Variants in PDE1C observed in about 807,000 individuals in gnomAD.
PDE1C encodes dual specificity calcium/calmodulin-dependent 3',5'-cyclic nucleotide phosphodiesterase 1C.
Under a neutral mutation model 93.1 loss-of-function variants are expected in PDE1C, and 62 were observed. The ratio of observed to expected loss-of-function variants is 0.67; its 90% confidence interval spans 0.54 to 0.82. PDE1C has a LOEUF of 0.82. Among genes scored for constraint, PDE1C ranks in the 40% least tolerant of loss-of-function variants. The pLI is 0.00. For synonymous variants in PDE1C, 325 were observed against 310.1 expected (o/e 1.05, Z -0.50); for missense variants, 742 against 884.6 (o/e 0.84, Z 2.04).
At chr7:32,388,846 T>G (rs1384231302) in intron 1 of PDE1C, among the ~76,000 whole-genome samples, 2 of 152,118 alleles carry the variant, frequency 1.3e-5, no homozygotes, top group African/African-American at 2.4e-5. Flanking sequence ...GGAAACCGTC[T>G]AGAGAATTCT....
intron 16 of PDE1C, chr7:31,789,180 A>C (rs1382361584): frequency 2.0e-5 from 3 of 152,112 alleles, no homozygotes; most frequent in Non-Finnish European, 2.9e-5. Context: ...TAGACTCATA[A>C]AATCCCACTT....
intron 1 of PDE1C, among the ~76,000 whole-genome samples, chr7:32,220,721 G>C (rs11771478): frequency 0.077 from 11,680 of 152,270 alleles, 598 homozygotes; most frequent in Non-Finnish European, 0.1. Context: ...GGGAGGCTGA[G>C]GCAGGAGAAT....
the PDE1C span, chr7:31,643,501 C>T: frequency 1.9e-6 from 3 of 1,613,972 alleles, no homozygotes; most frequent in South Asian, 1.1e-5. Flanking sequence ...TGTAATGACC[C>T]AGATGTCCTC....
intron 2 of PDE1C, among the ~76,000 whole-genome samples, chr7:31,905,207 G>A (rs1464122561): frequency 1.3e-5 from 2 of 152,042 alleles, no homozygotes; most frequent in African/African-American, 4.8e-5. Context: ...TATTCCACTT[G>A]GTTTCAAACA....
chr7:32,154,568 A>T (rs1801455030), intron 3 of PDE1C, among the ~76,000 whole-genome samples: 1 of 152,200 alleles, frequency 6.6e-6, no homozygotes, highest in South Asian at 2.1e-4. Context: ...ACATTTTCTC[A>T]TTCCATCCTC....
At chr7:31,669,168 A>G in the PDE1C span, among the ~76,000 whole-genome samples, 1 of 152,212 alleles carries the variant, frequency 6.6e-6, no homozygotes, top group African/African-American at 2.4e-5. Context: ...TGGGGGCATG[A>G]AAGGATGCAG....
Position 31,848,111 on chromosome 7 carries a change from A to C in PDE1C, c.852-15T>G, listed in dbSNP as rs770865024. 1.3e-5 allele frequency: 21 copies of C among 1,610,698 alleles called. No homozygotes were observed. Among genetic ancestry groups the C allele is most frequent in the Non-Finnish European group, 1.4e-5 (17 of 1,178,272 alleles). Reference sequence around the variant, plus strand: ...CTGGATCAGACCTGAACAGAAAGCCAAGCAAAATTCAGAATGTTAAACAGT... The same window carrying C: ...CTGGATCAGACCTGAACAGAAAGCCCAGCAAAATTCAGAATGTTAAACAGT... On this transcript the variant is annotated splice_polypyrimidine_tract_variant and intron_variant, in intron 8 of 17. Coordinates refer to ENST00000396191, the MANE Select transcript of PDE1C (RefSeq NM_001191057.4).
intron 1 of PDE1C, among the ~76,000 whole-genome samples, chr7:32,056,305 G>A (rs1033139951): frequency 7.2e-6 from 1 of 139,072 alleles, no homozygotes; most frequent in Admixed American, 7.4e-5. Context: ...TCTGTTCCCT[G>A]GAATGGGTCC....
intron 2 of PDE1C, among the ~76,000 whole-genome samples, chr7:32,019,713 A>C (rs30558): frequency 0.68 from 103,341 of 151,698 alleles, 35,693 homozygotes; most frequent in Middle Eastern, 0.78. Flanking sequence ...TTGAACGGAC[A>C]CAACTTTGTG....
the PDE1C span, among the ~76,000 whole-genome samples, chr7:31,727,773 G>A: frequency 2.6e-5 from 4 of 152,188 alleles, no homozygotes; most frequent in Non-Finnish European, 5.9e-5. Context: ...TGGGCACGGT[G>A]GCTCATGCCT....
At chr7:32,122,991 C>T (rs1419872063) in intron 3 of PDE1C, among the ~76,000 whole-genome samples, 1 of 151,846 alleles carries the variant, frequency 6.6e-6, no homozygotes, top group Non-Finnish European at 1.5e-5. Context: ...AGAAAAGAGA[C>T]AAGAATAAAA....
At chr7:31,943,026 C>T (rs1806063624) in intron 2 of PDE1C, among the ~76,000 whole-genome samples, 1 of 152,092 alleles carries the variant, frequency 6.6e-6, no homozygotes, top group East Asian at 1.9e-4. Context: ...GAGGTGAGCC[C>T]AGCCCAGGAC....
At chr7:31,695,620 A>G in the PDE1C span, 1 of 1,611,694 alleles carries the variant, frequency 6.2e-7, no homozygotes, top group Non-Finnish European at 8.5e-7. Flanking sequence ...CTTTCATACC[A>G]GGTAATGGAC....
intron 1 of PDE1C, among the ~76,000 whole-genome samples, chr7:32,242,874 A>T (rs570059489): frequency 6.6e-6 from 1 of 152,334 alleles, no homozygotes; most frequent in East Asian, 1.9e-4. Context: ...TGAGGACACA[A>T]GGGATTTTGT....
At chr7:32,289,459 C>T (rs1457407042) in intron 1 of PDE1C, among the ~76,000 whole-genome samples, 2 of 152,108 alleles carry the variant, frequency 1.3e-5, no homozygotes, top group Non-Finnish European at 2.9e-5. Flanking sequence ...AAATGGTGAA[C>T]ATAACAACTT....
At chr7:32,248,175 A>G (rs1809104416) in intron 1 of PDE1C, among the ~76,000 whole-genome samples, 1 of 152,166 alleles carries the variant, frequency 6.6e-6, no homozygotes, top group Non-Finnish European at 1.5e-5. Context: ...CCTGTGGGGC[A>G]TCTAAGTAGA....
chr7:31,696,088 GA>G, the PDE1C span: 1 of 152,806 alleles, frequency 6.5e-6, no homozygotes, highest in African/African-American at 2.4e-5. Flanking sequence ...GGTAAGCTGG[GA>G]AATGAACCCA....
At chr7:32,418,931 G>A (rs1257601821) in intron 1 of PDE1C, among the ~76,000 whole-genome samples, 1 of 152,142 alleles carries the variant, frequency 6.6e-6, no homozygotes, top group Non-Finnish European at 1.5e-5. Context: ...AAATGAATCT[G>A]TTATGTGTGT....
At chr7:31,804,334 G>T (rs988220091) in intron 16 of PDE1C, among the ~76,000 whole-genome samples, 8 of 151,932 alleles carry the variant, frequency 5.3e-5, no homozygotes, top group African/African-American at 1.9e-4. Context: ...AATCTGGCTA[G>T]TGGGAATAGG....
Sources: allele counts gnomAD v4.1 joint callset (sites outside exome capture counted in the v4.1 genomes callset), GRCh38; gene constraint gnomAD v4.1.1; transcripts MANE v1.5; gene names NCBI Gene and HGNC (gene_info 2026-07-23, HGNC 2026-07-21).